The following PTPRN2 variants were observed in gnomAD, a reference collection of about 807,000 sequenced individuals.
The protein encoded by PTPRN2 is receptor-type tyrosine-protein phosphatase N2.
Under a neutral mutation model 118.8 loss-of-function variants are expected in PTPRN2, and 74 were observed. That is an observed-to-expected ratio of 0.62 (90% CI 0.52 to 0.76). PTPRN2 has a LOEUF of 0.76. Ranked by LOEUF, PTPRN2 falls within the 30% of genes least tolerant of loss-of-function variation. The pLI, the probability that PTPRN2 is intolerant of heterozygous loss-of-function variation, is 0.00. For synonymous variants in PTPRN2, 641 were observed against 608.0 expected (o/e 1.05, Z -0.80); for missense variants, 1,481 against 1,394.4 (o/e 1.06, Z -0.99).
intron 12 of PTPRN2, among the ~76,000 whole-genome samples, chr7:157,765,303 C>T (rs550920990): frequency 1.1e-3 from 173 of 151,224 alleles, no homozygotes; most frequent in African/African-American, 3.5e-3. Flanking sequence ...AACCATCCAT[C>T]CATCTTTCCT....
chr7:158,018,394 A>G (rs1024614952), intron 11 of PTPRN2, among the ~76,000 whole-genome samples: 2 of 152,212 alleles, frequency 1.3e-5, no homozygotes, highest in African/African-American at 4.8e-5. Context: ...TGGAATTTAT[A>G]ACCGGGAGCA....
intron 2 of PTPRN2, among the ~76,000 whole-genome samples, chr7:158,478,516 G>A (rs1820430219): frequency 6.6e-6 from 1 of 152,192 alleles, no homozygotes; most frequent in Non-Finnish European, 1.5e-5. Flanking sequence ...GCCGTGACAA[G>A]GGCATGGGAA....
intron 12 of PTPRN2, among the ~76,000 whole-genome samples, chr7:157,821,827 T>G (rs930377618): frequency 6.8e-6 from 1 of 147,758 alleles, no homozygotes; most frequent in African/African-American, 2.7e-5. Flanking sequence ...ATGACATAGG[T>G]TGTGGTGAAG....
chr7:158,469,118 A>ACTATGCACACACACACACTCCGG, intron 2 of PTPRN2, among the ~76,000 whole-genome samples: 1 of 152,262 alleles, frequency 6.6e-6, no homozygotes, highest in South Asian at 2.1e-4. Context: ...GTGGATCAAC[A>ACTATGCACACACACACACTCCGG]GTGTCAGGCT....
chr7:157,916,938 G>A (rs571892398), intron 11 of PTPRN2, among the ~76,000 whole-genome samples: 3 of 129,386 alleles, frequency 2.3e-5, no homozygotes, highest in East Asian at 4.7e-4. Flanking sequence ...TCCGGGACAC[G>A]TCCAACACAC....
intron 12 of PTPRN2, among the ~76,000 whole-genome samples, chr7:157,767,914 G>A (rs1802579163): frequency 6.6e-6 from 1 of 152,228 alleles, no homozygotes; most frequent in African/African-American, 2.4e-5. Context: ...TAGGAGGCAA[G>A]AAAGCCCGCT....
intron 21 of PTPRN2, 75 bp from the exon 22 acceptor site, chr7:157,549,094 C>T: frequency 1.4e-6 from 2 of 1,423,416 alleles, no homozygotes; most frequent in Non-Finnish European, 2.0e-6. Context: ...CTCCTGCTAG[C>T]CACGTTCCCT....
At chr7:158,260,019 G>T (rs1195519790) in intron 3 of PTPRN2, among the ~76,000 whole-genome samples, 1 of 150,982 alleles carries the variant, frequency 6.6e-6, no homozygotes, top group Non-Finnish European at 1.5e-5. Flanking sequence ...TGTGTCCCTG[G>T]TGTACATGTA....
intron 2 of PTPRN2, among the ~76,000 whole-genome samples, chr7:158,368,898 TGA>T (rs1195969584): frequency 6.6e-6 from 1 of 152,118 alleles, no homozygotes; most frequent in African/African-American, 2.4e-5. Flanking sequence ...AGTGTCAACT[TGA>T]TTGGATTGAA....
chr7:157,835,280 G>A (rs1045014409), intron 12 of PTPRN2, among the ~76,000 whole-genome samples: 3 of 152,068 alleles, frequency 2.0e-5, no homozygotes, highest in Admixed American at 6.5e-5. Flanking sequence ...ACAACACAAC[G>A]GGAAAAACAG....
chr7:157,774,584 A>C (rs1803079434), intron 12 of PTPRN2, among the ~76,000 whole-genome samples: 1 of 152,234 alleles, frequency 6.6e-6, no homozygotes, highest in South Asian at 2.1e-4. Context: ...GCTCATGTGC[A>C]CAAGACAGTG....
chr7:157,630,402 A>T (rs545729555), intron 14 of PTPRN2, among the ~76,000 whole-genome samples: 1 of 152,308 alleles, frequency 6.6e-6, no homozygotes, highest in South Asian at 2.1e-4. Flanking sequence ...CCCGACCCAT[A>T]CGACCATATT....
chr7:158,176,195 G>T (rs1824189528), intron 5 of PTPRN2, among the ~76,000 whole-genome samples: 1 of 152,194 alleles, frequency 6.6e-6, no homozygotes, highest in African/African-American at 2.4e-5. Context: ...GATTAAAGCA[G>T]CGAGTTCCAA....
At chr7:158,055,730 C>T (rs1193971608) in intron 11 of PTPRN2, among the ~76,000 whole-genome samples, 2 of 152,208 alleles carry the variant, frequency 1.3e-5, no homozygotes, top group Admixed American at 1.3e-4. Flanking sequence ...CCCATGTGAC[C>T]TTACCTATCA....
At chr7:158,499,200 C>T (rs557139271) in intron 1 of PTPRN2, among the ~76,000 whole-genome samples, 216 of 152,240 alleles carry the variant, frequency 1.4e-3, no homozygotes, top group Non-Finnish European at 2.4e-3. Context: ...AACAGCCTCT[C>T]CCACACTTTG....
intron 12 of PTPRN2, among the ~76,000 whole-genome samples, chr7:157,758,348 G>A (rs905429590): frequency 1.3e-5 from 2 of 152,248 alleles, no homozygotes; most frequent in Non-Finnish European, 2.9e-5. Flanking sequence ...CTTCAGTGAA[G>A]TTGCACAGCA....
intron 22 of PTPRN2, among the ~76,000 whole-genome samples, chr7:157,541,781 G>C (rs752481706): frequency 2.6e-5 from 4 of 152,226 alleles, no homozygotes; most frequent in Non-Finnish European, 5.9e-5. Context: ...TTCCAGTTTT[G>C]AATGTTTAGT....
chr7:157,939,633 A>T (rs140578223), intron 11 of PTPRN2, among the ~76,000 whole-genome samples: 2 of 152,396 alleles, frequency 1.3e-5, no homozygotes, highest in African/African-American at 4.8e-5. Flanking sequence ...CCTCAACCCC[A>T]TCGTCCAGTG....
At chr7:158,322,002 G>A (rs561450602) in intron 2 of PTPRN2, among the ~76,000 whole-genome samples, 2 of 152,170 alleles carry the variant, frequency 1.3e-5, no homozygotes, top group Non-Finnish European at 2.9e-5. Flanking sequence ...CCTCGATGAC[G>A]GCTTCGTGCC....
Sources: gnomAD v4.1 joint callset for allele counts (sites outside exome capture counted in the v4.1 genomes callset) on GRCh38, gnomAD v4.1.1 for gene constraint, MANE v1.5 for transcripts, NCBI Gene and HGNC (gene_info 2026-07-23, HGNC 2026-07-21) for gene names.